The following ADGRL2 variants were observed in gnomAD, a reference collection of about 807,000 sequenced individuals.
The protein encoded by ADGRL2 is calcium-independent alpha-latrotoxin receptor 2.
In ADGRL2, 44 loss-of-function variants were observed where a neutral mutation model predicts 157.4. That is an observed-to-expected ratio of 0.28 (90% CI 0.22 to 0.36). The LOEUF (loss-of-function observed/expected upper bound fraction) is 0.36, where lower values mean the gene tolerates loss of function less well. ADGRL2 is among the 10% of genes least tolerant of loss of function. The pLI, the probability that ADGRL2 is intolerant of heterozygous loss-of-function variation, is 1.00. For synonymous variants in ADGRL2, 585 were observed against 624.7 expected (o/e 0.94, Z 0.95); for missense variants, 1,510 against 1,768.9 (o/e 0.85, Z 2.63).
At chr1:81,573,453 G>A (rs2080735420) in intron 2 of ADGRL2, among the ~76,000 whole-genome samples, 1 of 151,872 alleles carries the variant, frequency 6.6e-6, no homozygotes, top group Non-Finnish European at 1.5e-5. Context: ...CAATGACATA[G>A]GTCTGTCTAT....
At chr1:81,968,604 G>A (rs1051244737) in intron 14 of ADGRL2, among the ~76,000 whole-genome samples, 1 of 152,170 alleles carries the variant, frequency 6.6e-6, no homozygotes, top group Non-Finnish European at 1.5e-5. Context: ...GTGCAAAGCT[G>A]CATCTTTTGA....
At chr1:81,471,686 G>A (rs1260338286) in intron 2 of ADGRL2, among the ~76,000 whole-genome samples, 2 of 152,218 alleles carry the variant, frequency 1.3e-5, no homozygotes, top group Non-Finnish European at 2.9e-5. Flanking sequence ...GAAGAAAAAT[G>A]TATATAGGCC....
intron 3 of ADGRL2, among the ~76,000 whole-genome samples, chr1:81,654,625 C>T (rs766470055): frequency 6.6e-6 from 1 of 152,198 alleles, no homozygotes; most frequent in Non-Finnish European, 1.5e-5. Context: ...CATGCTTTGG[C>T]TTCAAACTCT....
chr1:81,856,526 G>A (rs1368537602), intron 2 of ADGRL2, among the ~76,000 whole-genome samples: 1 of 152,058 alleles, frequency 6.6e-6, no homozygotes, highest in Non-Finnish European at 1.5e-5. Flanking sequence ...GGCTGGCTTT[G>A]CCCCTTTAGC....
chr1:81,525,920 G>A (rs2148203823), intron 2 of ADGRL2, among the ~76,000 whole-genome samples: 1 of 152,140 alleles, frequency 6.6e-6, no homozygotes, highest in East Asian at 1.9e-4. Flanking sequence ...GCTGATGAAA[G>A]ATGCACAATA....
chr1:81,903,063 T>C (rs1367898083), intron 2 of ADGRL2, among the ~76,000 whole-genome samples: 2 of 152,196 alleles, frequency 1.3e-5, no homozygotes, highest in Admixed American at 6.5e-5. Flanking sequence ...GACTTACAGA[T>C]TGAGGAAATT....
At chr1:81,331,185 C>A (rs1661242683) in intron 1 of ADGRL2, among the ~76,000 whole-genome samples, 1 of 152,070 alleles carries the variant, frequency 6.6e-6, no homozygotes, top group Admixed American at 6.6e-5. Context: ...TATACTCATA[C>A]CGTGTGTAAT....
At chr1:81,440,482 C>T (rs2077488344) in intron 1 of ADGRL2, among the ~76,000 whole-genome samples, 1 of 152,166 alleles carries the variant, frequency 6.6e-6, no homozygotes, top group Non-Finnish European at 1.5e-5. Context: ...AATTCCCACC[C>T]ATATGGAGAC....
chr1:81,664,363 C>A (rs994672762), intron 3 of ADGRL2, among the ~76,000 whole-genome samples: 1 of 152,026 alleles, frequency 6.6e-6, no homozygotes, highest in Non-Finnish European at 1.5e-5. Flanking sequence ...CATGTGTACA[C>A]CCCCTCAGAA....
intron 2 of ADGRL2, among the ~76,000 whole-genome samples, chr1:81,493,287 A>G (rs934404956): frequency 3.3e-5 from 5 of 152,220 alleles, no homozygotes; most frequent in Non-Finnish European, 5.9e-5. Context: ...TCAGCATGAC[A>G]AGACAGTGTA....
intron 2 of ADGRL2, among the ~76,000 whole-genome samples, chr1:81,884,579 C>A (rs1250082164): frequency 6.6e-6 from 1 of 152,106 alleles, no homozygotes; most frequent in Non-Finnish European, 1.5e-5. Flanking sequence ...AAGCAAAACA[C>A]TATGTATCTG....
intron 2 of ADGRL2, among the ~76,000 whole-genome samples, chr1:81,478,032 G>A (rs1305719787): frequency 6.6e-6 from 1 of 151,990 alleles, no homozygotes; most frequent in Non-Finnish European, 1.5e-5. Flanking sequence ...TAATTTTTTT[G>A]CATTGTTTAT....
At chr1:81,635,824 C>T (rs2082104387) in intron 3 of ADGRL2, among the ~76,000 whole-genome samples, 2 of 152,208 alleles carry the variant, frequency 1.3e-5, no homozygotes, top group Admixed American at 6.5e-5. Context: ...CATTAAAGAG[C>T]TCCCTGTCCC....
intron 2 of ADGRL2, among the ~76,000 whole-genome samples, chr1:81,496,158 C>T (rs191759887): frequency 1.3e-5 from 2 of 152,098 alleles, no homozygotes; most frequent in African/African-American, 2.4e-5. Context: ...ATGTCACAAT[C>T]GTTTTAATTT....
At chr1:81,967,472 A>G (rs1184254145) in intron 13 of ADGRL2, among the ~76,000 whole-genome samples, 3 of 152,206 alleles carry the variant, frequency 2.0e-5, no homozygotes, top group African/African-American at 7.2e-5. Context: ...TGTGTTAGCC[A>G]GGATGGTCTC....
chr1:81,979,994 C>A (rs1219204936), intron 18 of ADGRL2, 34 bp downstream of exon 18: 5 of 1,156,666 alleles, frequency 4.3e-6, no homozygotes, highest in Admixed American at 1.7e-5. Flanking sequence ...TAATACTTGA[C>A]AAACTAAGTA....
chr1:81,798,231 A>C (rs1394010647), upstream of ADGRL2, among the ~76,000 whole-genome samples: 2 of 152,026 alleles, frequency 1.3e-5, no homozygotes, highest in Non-Finnish European at 2.9e-5. Context: ...ATGTTTTTTG[A>C]ATGTAGATAT....
At chr1:81,807,343 A>G (rs1223030390) in intron 1 of ADGRL2, among the ~76,000 whole-genome samples, 1 of 151,982 alleles carries the variant, frequency 6.6e-6, no homozygotes, top group African/African-American at 2.4e-5. Flanking sequence ...ACATAAGACT[A>G]ATTATTCTAT....
intron 2 of ADGRL2, among the ~76,000 whole-genome samples, chr1:81,516,504 A>G (rs534396034): frequency 5.4e-4 from 83 of 152,346 alleles, no homozygotes; most frequent in African/African-American, 2.0e-3. Context: ...TAGAGTCTAT[A>G]GTAAGAGCCC....
Sources: allele counts gnomAD v4.1 joint callset (sites outside exome capture counted in the v4.1 genomes callset), GRCh38; gene constraint gnomAD v4.1.1; transcripts MANE v1.5; gene names NCBI Gene and HGNC (gene_info 2026-07-23, HGNC 2026-07-21).